The following IPPK variants were observed in gnomAD, a reference collection of about 807,000 sequenced individuals.
The protein encoded by IPPK is IPK1 homolog.
Under a neutral mutation model 64.6 loss-of-function variants are expected in IPPK, and 22 were observed. That is an observed-to-expected ratio of 0.34 (90% CI 0.24 to 0.49). The LOEUF is 0.49. IPPK is among the 20% of genes least tolerant of loss of function. The pLI is 0.99. For missense variants in IPPK, 532 were observed against 630.7 expected (o/e 0.84, Z 1.68); for synonymous variants, 262 against 247.2 (o/e 1.06, Z -0.56).
Position 92,635,144 on chromosome 9 carries a change from C to T in IPPK, c.1067+14G>A. On this transcript the variant is annotated intron_variant, in intron 10 of 12. Transcript: ENST00000287996. This position sits in a 1 kb window ranked among gnomAD's most constrained non-coding sequence, Gnocchi z 4.4. Reference sequence around the variant, plus strand: ...CTCTCAGGGCTGCCCAACAGGGGGACCGCCCGACCTCACCTCTCCTCGGGA... The same window carrying T: ...CTCTCAGGGCTGCCCAACAGGGGGATCGCCCGACCTCACCTCTCCTCGGGA... The T allele has an allele frequency of 6.2e-7, 1 of 1,604,506 alleles. No individual in the cohort carries two copies.
At chr9:92,634,810 G>A (rs900284795) in intron 10 of IPPK, among the ~76,000 whole-genome samples, 7 of 152,200 alleles carry the variant, frequency 4.6e-5, no homozygotes, top group South Asian at 4.1e-4. Flanking sequence ...CCAATGACCC[G>A]CAGTGAAAGC....
At chr9:92,656,802 C>T (rs1852382734) in intron 2 of IPPK, among the ~76,000 whole-genome samples, 1 of 152,228 alleles carries the variant, frequency 6.6e-6, no homozygotes, top group Non-Finnish European at 1.5e-5. Flanking sequence ...GAGGACCGCA[C>T]TGCTGCCGCC....
chr9:92,649,285 C>T (rs149146138), intron 5 of IPPK, among the ~76,000 whole-genome samples, 168 bp downstream of exon 5: 5 of 152,160 alleles, frequency 3.3e-5, no homozygotes, highest in African/African-American at 9.7e-5. Flanking sequence ...GGAACCAGAA[C>T]GCAGGTGGGG....
chr9:92,665,865 A>T (rs1242519527), intron 1 of IPPK, among the ~76,000 whole-genome samples: 1 of 152,196 alleles, frequency 6.6e-6, no homozygotes, highest in East Asian at 1.9e-4. Context: ...TTAAAACACA[A>T]GATGAGAAGA....
At chr9:92,660,900 T>A (rs547811502) in intron 1 of IPPK, among the ~76,000 whole-genome samples, 73 of 152,306 alleles carry the variant, frequency 4.8e-4, no homozygotes, top group South Asian at 6.2e-4. Context: ...AAAAAATTTT[T>A]AAAAATAAGT....
chr9:92,658,460 G>A (rs560593407), intron 2 of IPPK, among the ~76,000 whole-genome samples, 174 bp downstream of exon 2: 17 of 152,196 alleles, frequency 1.1e-4, no homozygotes, highest in African/African-American at 3.4e-4. Flanking sequence ...ATGGGTTAAC[G>A]TGCTGGACCC....
intron 4 of IPPK, 127 bp from the exon 5 acceptor site, chr9:92,649,701 G>T: frequency 9.0e-7 from 1 of 1,113,836 alleles, no homozygotes; most frequent in Non-Finnish European, 1.3e-6. Context: ...AAAACCTCAT[G>T]TCTCCCTGGG....
chr9:92,648,415 A>C (rs1289287799), intron 5 of IPPK, among the ~76,000 whole-genome samples: 3 of 152,174 alleles, frequency 2.0e-5, no homozygotes, highest in Middle Eastern at 3.2e-3. Flanking sequence ...AGCACAACAC[A>C]CAATAGCTTC....
Position 92,634,434 on chromosome 9 carries a change from A to G in IPPK, c.1122T>C (p.Leu374=). ...TCCCGTCATCCTCAGTGGAAAGGTC[A>G]AGCAGCTTCTGGTAAAATGCTTCAT... ...PYDEAFYQKL[L]DLSTEDDGTV... is the part of the protein sequence containing the mutation. The change falls in exon 11 of 13, where the codon CTT becomes CTC. Residue 374 remains leucine, a synonymous_variant. Transcript: ENST00000287996. 1.2e-6 allele frequency: 2 copies of G among 1,614,184 alleles called. No individual in the cohort carries two copies. The highest frequency in any genetic ancestry group is 1.7e-6 in the Non-Finnish European group (2 of 1,179,998).
intron 6 of IPPK, among the ~76,000 whole-genome samples, chr9:92,644,516 G>GA (rs1852113087): frequency 6.6e-6 from 1 of 152,118 alleles, no homozygotes; most frequent in Admixed American, 6.5e-5. Flanking sequence ...AGCGTTCCCG[G>GA]AAAGATCACA....
chr9:92,640,781 T>C lies in IPPK; in HGVS notation c.565A>G (p.Asn189Asp). 2 of 1,609,040 alleles carry C rather than the reference T, an allele frequency of 1.2e-6. No homozygotes were observed. The highest frequency in any genetic ancestry group is 2.2e-5 in the South Asian group (2 of 90,978). The change falls in exon 8 of 13, where the codon AAC (asparagine) becomes GAC (aspartate). Residue 189 changes from asparagine (N) to aspartate (D), a missense_variant and splice_region_variant. Physicochemically the swap from Asn to Asp is conservative, Grantham distance 23. Coordinates refer to ENST00000287996, the MANE Select transcript of IPPK (RefSeq NM_022755.6). ...KYCPLDLYSG[N>D]KQRMHFALKS... The stretch of plus-strand genomic sequence containing the variant: ...AAGGCAAAGTGCATTCTCTGTTTGT[T>C]TCTAAAAGGGAAAAGCATTAACATG...
At chr9:92,629,094 GA>G (rs1260483109) in intron 11 of IPPK, among the ~76,000 whole-genome samples, 2 of 151,382 alleles carry the variant, frequency 1.3e-5, no homozygotes, top group South Asian at 2.1e-4. Context: ...CCCTGTCTCT[GA>G]AAAAAAAGAA....
In IPPK at chr9:92,634,633, T is replaced by A. The variant is rs1851904750; in HGVS notation, c.1068-145A>T. ...ACATAACAGATCTATCTCCCTCATG[T>A]TAAACATCAAGGTTTTTAACAGAAC... On this transcript the variant is annotated intron_variant, in intron 10 of 12. Coordinates refer to ENST00000287996, the MANE Select transcript of IPPK (RefSeq NM_022755.6). 7.8e-6 allele frequency: 5 copies of A among 639,124 alleles called. No individual in the cohort carries two copies. In the East Asian group the frequency reaches 1.4e-4, roughly 17 times the overall value. The allele number at this position is 639,124 out of a possible 1,614,324, so 39.6% of individuals were successfully genotyped here.
At chr9:92,642,926 G>A in intron 6 of IPPK, 116 bp from the exon 7 acceptor site, 4 of 873,824 alleles carry the variant, frequency 4.6e-6, no homozygotes, top group Non-Finnish European at 5.8e-6. Flanking sequence ...CTGCAGCCTT[G>A]CCCCGGAAAA....
intron 1 of IPPK, among the ~76,000 whole-genome samples, chr9:92,669,598 G>A (rs561790271): frequency 1.1e-4 from 17 of 152,342 alleles, no homozygotes; most frequent in Non-Finnish European, 2.2e-4. Flanking sequence ...CGGCACCGAC[G>A]GGGCGGGGAG....
At chr9:92,616,150 GTTT>G in intron 12 of IPPK, 93 bp from the exon 13 acceptor site, 1 of 834,244 alleles carries the variant, frequency 1.2e-6, no homozygotes, top group Non-Finnish European at 1.9e-6. Context: ...CAACTAGTAT[GTTT>G]TTATGTTTTT....
chr9:92,613,237 A>G lies in IPPK; in HGVS notation c.*2595T>C. 6.6e-7 allele frequency: 1 copy of G among 1,519,094 alleles called. No homozygotes were observed. The highest frequency in any genetic ancestry group is 9.1e-7 in the Non-Finnish European group (1 of 1,098,460). The allele number at this position is 1,519,094 out of a possible 1,614,324, so 94.1% of individuals were successfully genotyped here. A position where few individuals can be genotyped will look rare whatever the true frequency, so the allele number is the denominator to read the frequency against. On this transcript the variant is annotated 3_prime_UTR_variant, in exon 13 of 13. Coordinates refer to ENST00000287996, the MANE Select transcript of IPPK (RefSeq NM_022755.6). ...TATAAACATTTGCTATTTTCTGCTT[A>G]GAAACCACACCCTGAAGACGTGCTG...
At chr9:92,659,417 G>C (rs1852436125) in intron 1 of IPPK, among the ~76,000 whole-genome samples, 1 of 152,172 alleles carries the variant, frequency 6.6e-6, no homozygotes, top group Non-Finnish European at 1.5e-5. Flanking sequence ...TACATCAAAA[G>C]GTCTGAAAGG....
At position 92,619,506 on chromosome 9, in the gene IPPK, A is replaced by G; in HGVS notation, c.1230T>C (p.Ser410=). 2 of 1,592,300 alleles carry G rather than the reference A, an allele frequency of 1.3e-6. No homozygotes were observed. The highest frequency in any genetic ancestry group is 4.5e-5 in the East Asian group (2 of 44,292). Residue 410 remains serine (S), a synonymous_variant, in exon 12 of 13, where the codon TCT becomes TCC. Transcript: ENST00000287996. ...AKDCSIMIAL[S]PCLQDASSDQ... ...CTCACCTGGCATCCTGCAGACAGGGAGACAGTGCAATCATGATGGAGCAGT... is the reference window on the plus strand; with the variant it reads ...CTCACCTGGCATCCTGCAGACAGGGGGACAGTGCAATCATGATGGAGCAGT...
Sources: allele counts gnomAD v4.1 joint callset (sites outside exome capture counted in the v4.1 genomes callset), GRCh38; gene constraint gnomAD v4.1.1; non-coding constraint Gnocchi (gnomAD v3.1); transcripts MANE v1.5; gene names NCBI Gene and HGNC (gene_info 2026-07-23, HGNC 2026-07-21).